The following RPS6KC1 variants were observed in gnomAD, a reference collection of about 807,000 sequenced individuals.
RPS6KC1 encodes the protein inactive ribosomal protein S6 kinase delta-1.
In RPS6KC1, 54 loss-of-function variants were observed where a neutral mutation model predicts 103.8. The ratio of observed to expected loss-of-function variants is 0.52; its 90% CI spans 0.42 to 0.65. The LOEUF (loss-of-function observed/expected upper bound fraction) is 0.65, where lower values mean the gene tolerates loss of function less well. Ranked by LOEUF, RPS6KC1 falls within the 30% of genes least tolerant of loss-of-function variation. The probability of loss-of-function intolerance (pLI) is 0.00; values close to 1 mark genes in which losing one functional copy is unlikely to be tolerated. For synonymous variants in RPS6KC1, 439 were observed against 438.7 expected (o/e 1.00, Z -0.01); for missense variants, 1,151 against 1,253.8 (o/e 0.92, Z 1.24).
the RPS6KC1 span, among the ~76,000 whole-genome samples, chr1:213,389,970 A>AT: frequency 6.6e-6 from 1 of 151,890 alleles, no homozygotes; most frequent in Non-Finnish European, 1.5e-5. Flanking sequence ...GAAAATGATT[A>AT]TTTTTCGTAC....
chr1:213,846,830 C>T, the RPS6KC1 span, among the ~76,000 whole-genome samples: 1 of 151,980 alleles, frequency 6.6e-6, no homozygotes, highest in African/African-American at 2.4e-5. Flanking sequence ...TTATGAAATC[C>T]CCAATTAAAA....
At chr1:213,222,174 G>T (rs1158904187) in intron 8 of RPS6KC1, among the ~76,000 whole-genome samples, 1 of 152,006 alleles carries the variant, frequency 6.6e-6, no homozygotes, top group Non-Finnish European at 1.5e-5. Context: ...AACCTTTTTG[G>T]ATTATTTGTT....
chr1:213,595,121 A>G, the RPS6KC1 span, among the ~76,000 whole-genome samples: 1 of 152,174 alleles, frequency 6.6e-6, no homozygotes, highest in African/African-American at 2.4e-5. Context: ...GGGGACTGCA[A>G]TGACACCCAC....
chr1:213,118,025 A>AAAAAAAAAAAAAAAAAAAG (rs2083889182), intron 5 of RPS6KC1, among the ~76,000 whole-genome samples: 1 of 146,262 alleles, frequency 6.8e-6, no homozygotes, highest in African/African-American at 2.5e-5. Flanking sequence ...TTGTCTCAAA[A>AAAAAAAAAAAAAAAAAAAG]AAAAAAAAAA....
the RPS6KC1 span, among the ~76,000 whole-genome samples, chr1:213,342,097 G>T: frequency 6.6e-6 from 1 of 152,152 alleles, no homozygotes; most frequent in South Asian, 2.1e-4. Flanking sequence ...TTTATAGCTT[G>T]GTCAATTTCT....
chr1:213,648,935 G>A, the RPS6KC1 span, among the ~76,000 whole-genome samples: 3 of 152,082 alleles, frequency 2.0e-5, no homozygotes, highest in Admixed American at 6.5e-5. Flanking sequence ...CTCTTGCTCA[G>A]CAGATAAACT....
chr1:213,067,807 A>G (rs1421651498), intron 1 of RPS6KC1, among the ~76,000 whole-genome samples: 1 of 152,176 alleles, frequency 6.6e-6, no homozygotes, highest in Non-Finnish European at 1.5e-5. Context: ...GTTATTTCTG[A>G]TAAGATGGTT....
the RPS6KC1 span, among the ~76,000 whole-genome samples, chr1:213,673,470 G>A: frequency 1.3e-5 from 2 of 152,196 alleles, no homozygotes; most frequent in Admixed American, 1.3e-4. Flanking sequence ...AGCTGGAAGT[G>A]ATGATGGTTT....
At chr1:213,197,349 C>T (rs1157864709) in intron 8 of RPS6KC1, among the ~76,000 whole-genome samples, 3 of 152,030 alleles carry the variant, frequency 2.0e-5, no homozygotes, top group Non-Finnish European at 2.9e-5. Context: ...GTGGGAATTG[C>T]ACTGAATTTA....
chr1:213,694,706 A>G, the RPS6KC1 span, among the ~76,000 whole-genome samples: 2,236 of 152,352 alleles, frequency 0.015, 18 homozygotes, highest in Non-Finnish European at 0.021. Context: ...AGCCATATGA[A>G]GGAAGATAGA....
chr1:213,688,213 C>T, the RPS6KC1 span, among the ~76,000 whole-genome samples: 1 of 152,190 alleles, frequency 6.6e-6, no homozygotes, highest in South Asian at 2.1e-4. Context: ...TCCTCCGTCT[C>T]GGTCTGAGTC....
chr1:213,581,841 T>A, the RPS6KC1 span, among the ~76,000 whole-genome samples: 2 of 152,178 alleles, frequency 1.3e-5, no homozygotes, highest in East Asian at 3.9e-4. Flanking sequence ...CCTTTCCACA[T>A]GCTATTCCTT....
At chr1:213,322,506 G>T in the RPS6KC1 span, among the ~76,000 whole-genome samples, 3 of 152,188 alleles carry the variant, frequency 2.0e-5, no homozygotes, top group Non-Finnish European at 4.4e-5. Flanking sequence ...TAAGAAGGGT[G>T]TATTAGCTTC....
the RPS6KC1 span, among the ~76,000 whole-genome samples, chr1:213,790,156 G>A: frequency 6.6e-6 from 1 of 152,140 alleles, no homozygotes; most frequent in East Asian, 1.9e-4. Flanking sequence ...CCATAACAGT[G>A]TCCCAAGTGG....
At chr1:213,262,627 G>C in intron 13 of RPS6KC1, 94 bp from the exon 14 acceptor site, 1 of 830,002 alleles carries the variant, frequency 1.2e-6, no homozygotes, top group Non-Finnish European at 2.1e-6. Context: ...TAAAATGGTT[G>C]TTGAGCTCTC....
chr1:213,829,212 G>A, the RPS6KC1 span, among the ~76,000 whole-genome samples: 1 of 147,240 alleles, frequency 6.8e-6, no homozygotes, highest in East Asian at 2.0e-4. Context: ...TTTAATTAAA[G>A]GCCCTTCCCA....
At chr1:213,418,805 C>T in the RPS6KC1 span, among the ~76,000 whole-genome samples, 19,061 of 152,142 alleles carry the variant, frequency 0.13, 1,570 homozygotes, top group Non-Finnish European at 0.18. Context: ...TTTCCTCCCC[C>T]GGGGTGAGCG....
At chr1:213,154,360 C>T (rs1484459020) in intron 6 of RPS6KC1, among the ~76,000 whole-genome samples, 1 of 152,210 alleles carries the variant, frequency 6.6e-6, no homozygotes, top group East Asian at 1.9e-4. Context: ...TCTCCCAATC[C>T]CTTCGTGGAT....
At chr1:213,216,587 C>T (rs1351520273) in intron 8 of RPS6KC1, among the ~76,000 whole-genome samples, 21 of 150,506 alleles carry the variant, frequency 1.4e-4, no homozygotes, top group South Asian at 6.4e-4. Flanking sequence ...AGCACCACAC[C>T]ACACCTATTA....
Sources: gnomAD v4.1 joint callset for allele counts (sites outside exome capture counted in the v4.1 genomes callset) on GRCh38, gnomAD v4.1.1 for gene constraint, MANE v1.5 for transcripts, NCBI Gene and HGNC (gene_info 2026-07-23, HGNC 2026-07-21) for gene names.